PECR: variants seen among roughly 807,000 people sequenced by gnomAD.
The protein encoded by PECR is peroxisomal trans-2-enoyl-CoA reductase, also known as 2,4-dienoyl-CoA reductase-related protein.
In PECR, 30 loss-of-function variants were observed where a neutral mutation model predicts 35.3. The ratio of observed to expected loss-of-function variants is 0.85; its 90% CI spans 0.64 to 1.15. PECR has a LOEUF of 1.15. Ranked by LOEUF, PECR falls within the 50% of genes most tolerant of loss-of-function variation. PECR has a pLI of 0.00. For missense variants in PECR, 392 were observed against 370.8 expected (o/e 1.06, Z -0.47); for synonymous variants, 148 against 138.9 (o/e 1.07, Z -0.46).
intron 2 of PECR, among the ~76,000 whole-genome samples, chr2:216,066,109 G>C (rs1311222208): frequency 3.3e-5 from 5 of 152,260 alleles, no homozygotes; most frequent in African/African-American, 1.2e-4. Flanking sequence ...GGGCAACAGA[G>C]GAAGACTTTG....
chr2:216,061,843 T>A (rs890832030), intron 3 of PECR, among the ~76,000 whole-genome samples: 2 of 152,172 alleles, frequency 1.3e-5, no homozygotes, highest in Non-Finnish European at 1.5e-5. Flanking sequence ...TGAATTTTCT[T>A]AGGTGTAATA....
intron 1 of PECR, among the ~76,000 whole-genome samples, chr2:216,069,060 G>C (rs1695533629): frequency 6.6e-6 from 1 of 152,020 alleles, no homozygotes; most frequent in Non-Finnish European, 1.5e-5. Context: ...TCCTTCTTTT[G>C]CTCTGCTCCA....
chr2:216,073,416 T>G (rs1695624787), intron 1 of PECR, among the ~76,000 whole-genome samples: 2 of 152,132 alleles, frequency 1.3e-5, no homozygotes, highest in South Asian at 4.1e-4. Context: ...TTTTATAAAT[T>G]TAGTTTAGCC....
At chr2:216,042,997 G>A (rs866924218) in intron 7 of PECR, among the ~76,000 whole-genome samples, 14 of 118,852 alleles carry the variant, frequency 1.2e-4, no homozygotes, top group African/African-American at 3.8e-4. Context: ...ATATACATAC[G>A]TATATGTGTA....
chr2:216,035,248 C>T (rs531052975), downstream of PECR, among the ~76,000 whole-genome samples: 1 of 152,302 alleles, frequency 6.6e-6, no homozygotes, highest in African/African-American at 2.4e-5. Flanking sequence ...GCAGTGCAGA[C>T]TGCTTCACAG....
In PECR at chr2:216,039,229, A is replaced by C; in HGVS notation, c.*46T>G. 2.1e-6 allele frequency: 2 copies of C among 971,080 alleles called. No homozygotes were observed. Among genetic ancestry groups the C allele is most frequent in the Non-Finnish European group, 3.4e-6 (2 of 592,764 alleles). 60.2% of individuals were successfully genotyped at this position (971,080 alleles called of 1,614,324 possible). On this transcript the variant is annotated 3_prime_UTR_variant, in exon 8 of 8. Transcript: ENST00000265322. ...TTAAAAAGTACAGAAGCATATCCTC[A>C]AGATGTGAAGGCACTGGGGGATGGA...
intron 7 of PECR, among the ~76,000 whole-genome samples, chr2:216,031,728 T>C (rs1417416332): frequency 7.5e-6 from 1 of 133,098 alleles, no homozygotes; most frequent in Non-Finnish European, 1.7e-5. Context: ...ATGAAAAGAA[T>C]TGGATAAAAG....
At chr2:216,061,737 C>G (rs1436064655) in intron 3 of PECR, among the ~76,000 whole-genome samples, 1 of 151,870 alleles carries the variant, frequency 6.6e-6, no homozygotes, top group Non-Finnish European at 1.5e-5. Context: ...AAATGCAATA[C>G]ATGAATTTGA....
chr2:216,075,847 G>C (rs1695687123), intron 1 of PECR, among the ~76,000 whole-genome samples: 1 of 152,020 alleles, frequency 6.6e-6, no homozygotes, highest in African/African-American at 2.4e-5. Flanking sequence ...TGTTGTCTTG[G>C]GTCATAATTT....
intron 4 of PECR, among the ~76,000 whole-genome samples, chr2:216,055,462 A>C (rs113671643): frequency 0.029 from 4,329 of 149,510 alleles, 178 homozygotes; most frequent in African/African-American, 0.093. Context: ...AAAAAACAAA[A>C]AAACAAACAA....
intron 3 of PECR, among the ~76,000 whole-genome samples, chr2:216,060,068 C>T (rs1409728323): frequency 6.6e-6 from 1 of 152,162 alleles, no homozygotes; most frequent in Admixed American, 6.6e-5. Flanking sequence ...TTTCTCTCAG[C>T]AATGTCTGGC....
chr2:216,066,629 T>G, intron 1 of PECR, 111 bp from the exon 2 acceptor site: 1 of 904,808 alleles, frequency 1.1e-6, no homozygotes. Context: ...CCTTCATGAG[T>G]TGTCCAAATT....
In PECR at chr2:216,043,115, A is replaced by T. The variant is rs184648657; in HGVS notation, c.826+789T>A. Among the ~76,000 whole-genome samples, 543 of 134,438 alleles carry T rather than the reference A, an allele frequency of 4.0e-3. 12 individuals carry two copies. The highest frequency in any genetic ancestry group is 8.8e-3 in the East Asian group (43 of 4,904). The allele number at this position is 134,438 out of a possible 152,430, so 88.2% of individuals were successfully genotyped here. A position where few individuals can be genotyped will look rare whatever the true frequency, so the allele number is the denominator to read the frequency against. ...TATATATGTATGCGTATATATATAT[A>T]TTTTTTTTTGAGATAAGAGTCTCAC... On this transcript the variant is annotated intron_variant, in intron 7 of 7. Coordinates refer to ENST00000265322, the MANE Select transcript of PECR (RefSeq NM_018441.6).
At chr2:216,031,436 A>G (rs1694691066) in intron 7 of PECR, among the ~76,000 whole-genome samples, 1 of 143,192 alleles carries the variant, frequency 7.0e-6, no homozygotes, top group African/African-American at 2.7e-5. Context: ...AAGAAAAGAA[A>G]GAAAGAAAAA....
At chr2:216,068,244 A>C (rs1354305683) in intron 1 of PECR, among the ~76,000 whole-genome samples, 2 of 151,600 alleles carry the variant, frequency 1.3e-5, no homozygotes, top group East Asian at 1.9e-4. Context: ...AAAAAAAAAA[A>C]AAAACCGGAA....
At chr2:216,080,768 T>G (rs1695823006) in intron 1 of PECR, among the ~76,000 whole-genome samples, 1 of 152,084 alleles carries the variant, frequency 6.6e-6, no homozygotes, top group African/African-American at 2.4e-5. Flanking sequence ...CTGTCTGTAG[T>G]TCTTCTTTTG....
chr2:216,031,034 A>G (rs1694680523), intron 7 of PECR, among the ~76,000 whole-genome samples: 2 of 151,544 alleles, frequency 1.3e-5, no homozygotes, highest in Non-Finnish European at 2.9e-5. Context: ...CTTGCTCATC[A>G]AAACATCTGC....
At position 216,047,261 on chromosome 2, in the gene PECR, G is replaced by A. The variant is rs200627661; in HGVS notation, c.714+2002C>T. 6.2e-3 allele frequency among the ~76,000 whole-genome samples: 876 copies of A among 142,372 alleles called. 13 individuals carry two copies. Among genetic ancestry groups the A allele is most frequent in the African/African-American group, 0.02 (791 of 38,878 alleles). 93.4% of individuals were successfully genotyped at this position (142,372 alleles called of 152,430 possible). On this transcript the variant is annotated intron_variant, in intron 6 of 7. Transcript: ENST00000265322. The stretch of plus-strand genomic sequence containing the variant: ...CAAGAAGAGTGTAACTTCGTCTCAG[G>A]AAAAAAAAAAAAAAAGTCAACAAAT...
chr2:216,031,137 T>G (rs1694682434), intron 7 of PECR, among the ~76,000 whole-genome samples: 1 of 148,114 alleles, frequency 6.8e-6, no homozygotes, highest in South Asian at 2.2e-4. Context: ...CCAGACATGG[T>G]GGTTCACGCC....
Sources: gnomAD v4.1 joint callset for allele counts (sites outside exome capture counted in the v4.1 genomes callset) on GRCh38, gnomAD v4.1.1 for gene constraint, MANE v1.5 for transcripts, NCBI Gene and HGNC (gene_info 2026-07-23, HGNC 2026-07-21) for gene names.